Variants in NAAA observed in about 807,000 individuals in gnomAD.
NAAA encodes N-acylethanolamine-hydrolyzing acid amidase.
Under a neutral mutation model 44.8 loss-of-function variants are expected in NAAA, and 39 were observed. That is an observed-to-expected ratio of 0.87 (90% CI 0.67 to 1.14). The LOEUF (loss-of-function observed/expected upper bound fraction) is 1.14, where lower values mean the gene tolerates loss of function less well. Ranked by LOEUF, NAAA falls within the 50% of genes most tolerant of loss-of-function variation. NAAA has a pLI of 0.00. For synonymous variants in NAAA, 178 were observed against 191.3 expected, an observed-to-expected ratio of 0.93 and a Z score of 0.58; for missense variants, 460 against 467.8, an observed-to-expected ratio of 0.98 and a Z score of 0.15.
chr4:75,923,973 C>T (rs960170419), intron 5 of NAAA, among the ~76,000 whole-genome samples: 1 of 152,172 alleles, frequency 6.6e-6, no homozygotes, highest in Non-Finnish European at 1.5e-5. Context: ...GCAAATGGTA[C>T]ACCTGGTCCA....
At chr4:75,928,648 T>G (rs1198439169) in intron 4 of NAAA, among the ~76,000 whole-genome samples, 1 of 151,738 alleles carries the variant, frequency 6.6e-6, no homozygotes, top group Non-Finnish European at 1.5e-5. Flanking sequence ...TGCTCCAGTC[T>G]AGGACTCAGA....
intron 3 of NAAA, among the ~76,000 whole-genome samples, chr4:75,934,052 GTAATAATAATAATAATAA>G (rs66466020): frequency 0.47 from 66,141 of 141,862 alleles, 15,959 homozygotes; most frequent in South Asian, 0.51. Flanking sequence ...AATAGTAGTA[GTAATAATAATAATAATAA>G]TAATAATAAT....
In NAAA at chr4:75,939,905, T is replaced by C; in HGVS notation, c.371+96A>G. Reference sequence around the variant, plus strand: ...GTTTCTAGGCAAGCAGGCACCGCCCTGTTTTTATCACACGGAAAATATGTC... The same window carrying C: ...GTTTCTAGGCAAGCAGGCACCGCCCCGTTTTTATCACACGGAAAATATGTC... On this transcript the variant is annotated intron_variant, in intron 2 of 10. Transcript: ENST00000286733. The C allele has an allele frequency of 6.2e-6, 9 of 1,448,492 alleles. No individual in the cohort carries two copies. In the East Asian group the frequency reaches 2.1e-4, roughly 33 times the overall value. 89.7% of individuals were successfully genotyped at this position (1,448,492 alleles called of 1,614,324 possible). A position where few individuals can be genotyped will look rare whatever the true frequency, so the allele number is the denominator to read the frequency against.
At position 75,918,865 on chromosome 4, in the gene NAAA, G is replaced by A. The variant is rs550970256; in HGVS notation, c.970-76C>T. 47 of 1,378,458 alleles carry A rather than the reference G, an allele frequency of 3.4e-5. No homozygotes were observed. In the African/African-American group the frequency reaches 3.9e-4, roughly 11 times the overall value. 85.4% of individuals were successfully genotyped at this position (1,378,458 alleles called of 1,614,324 possible). A position where few individuals can be genotyped will look rare whatever the true frequency, so the allele number is the denominator to read the frequency against. On this transcript the variant is annotated intron_variant, in intron 8 of 10. Coordinates refer to ENST00000286733, the MANE Select transcript of NAAA (RefSeq NM_014435.4). Reference sequence around the variant, plus strand: ...ACACATAGAATATCTATGGAGGGCCGGGTGCAGTGGCTCAGGCCTGTAATC... The same window carrying A: ...ACACATAGAATATCTATGGAGGGCCAGGTGCAGTGGCTCAGGCCTGTAATC...
intron 2 of NAAA, among the ~76,000 whole-genome samples, chr4:75,938,516 T>C (rs760934011): frequency 5.3e-5 from 8 of 152,062 alleles, no homozygotes; most frequent in Non-Finnish European, 1.0e-4. Context: ...GTGTCTTTTC[T>C]GTGCCTGAAA....
At chr4:75,928,816 C>T (rs367898798) in intron 4 of NAAA, among the ~76,000 whole-genome samples, 1 of 149,514 alleles carries the variant, frequency 6.7e-6, no homozygotes, top group Admixed American at 6.7e-5. Flanking sequence ...GAGATGGAGT[C>T]TCGCTCTGTC....
intron 3 of NAAA, 145 bp downstream of exon 3, chr4:75,935,964 T>A (rs1387139175): frequency 2.1e-5 from 19 of 888,444 alleles, no homozygotes; most frequent in Non-Finnish European, 2.8e-5. Flanking sequence ...GATGCAAACC[T>A]CTCTTCTGGC....
intron 7 of NAAA, among the ~76,000 whole-genome samples, chr4:75,920,268 A>G (rs916659113): frequency 6.6e-6 from 1 of 152,244 alleles, no homozygotes; most frequent in Non-Finnish European, 1.5e-5. Context: ...GGCAACGTAT[A>G]TAGCTACCTG....
At chr4:75,939,113 A>C (rs1283210972) in intron 2 of NAAA, among the ~76,000 whole-genome samples, 1 of 152,144 alleles carries the variant, frequency 6.6e-6, no homozygotes, top group Admixed American at 6.5e-5. Flanking sequence ...TCGGCCTCCC[A>C]AAGTGCTGGG....
chr4:75,932,977 A>C (rs908840646), intron 3 of NAAA, among the ~76,000 whole-genome samples: 16 of 152,046 alleles, frequency 1.1e-4, no homozygotes, highest in Non-Finnish European at 1.2e-4. Flanking sequence ...TCTACCAAAA[A>C]TACAAAAATT....
At chr4:75,931,656 A>C (rs998100749) in intron 3 of NAAA, among the ~76,000 whole-genome samples, 4 of 152,214 alleles carry the variant, frequency 2.6e-5, no homozygotes, top group Non-Finnish European at 4.4e-5. Context: ...GAAATCACAG[A>C]TATTTTCACA....
chr4:75,934,785 T>G (rs1373737956), intron 3 of NAAA: 2 of 152,230 alleles, frequency 1.3e-5, no homozygotes, highest in African/African-American at 4.8e-5. Context: ...AACAGTCACC[T>G]GAGTACTGAG....
At chr4:75,931,190 T>A in intron 4 of NAAA, 24 bp downstream of exon 4, 1 of 1,591,372 alleles carries the variant, frequency 6.3e-7, no homozygotes, top group South Asian at 1.1e-5. Context: ...TAGCTAAAAT[T>A]ACACAGGGGT....
intron 4 of NAAA, among the ~76,000 whole-genome samples, chr4:75,928,372 A>C (rs1388375664): frequency 6.6e-6 from 1 of 152,192 alleles, no homozygotes; most frequent in African/African-American, 2.4e-5. Flanking sequence ...CTAGCTCAGC[A>C]GTGGAGGTAG....
At chr4:75,940,221 C>A (rs1728134058) in intron 1 of NAAA, 56 bp from the exon 2 acceptor site, 1 of 1,573,762 alleles carries the variant, frequency 6.4e-7, no homozygotes, top group South Asian at 1.1e-5. Context: ...CGGCGTGCGA[C>A]TGCGTGTGCA....
intron 3 of NAAA, among the ~76,000 whole-genome samples, chr4:75,933,403 T>C (rs1228322856): frequency 1.3e-5 from 2 of 152,142 alleles, no homozygotes; most frequent in Non-Finnish European, 2.9e-5. Context: ...CCTCCATGAA[T>C]GTCTCATCTC....
chr4:75,931,559 C>G (rs868279125), intron 3 of NAAA, among the ~76,000 whole-genome samples: 8 of 152,190 alleles, frequency 5.3e-5, no homozygotes, highest in Middle Eastern at 6.8e-3. Flanking sequence ...TTTTCACTAA[C>G]CTCTAACTGA....
intron 5 of NAAA, 99 bp downstream of exon 5, chr4:75,925,636 A>T: frequency 9.0e-7 from 1 of 1,112,606 alleles, no homozygotes; most frequent in Non-Finnish European, 1.4e-6. Context: ...TTATTCTTTT[A>T]AGGAGCTCCT....
chr4:75,934,362 C>T (rs960595896), intron 3 of NAAA, among the ~76,000 whole-genome samples: 2 of 151,962 alleles, frequency 1.3e-5, no homozygotes, highest in African/African-American at 4.8e-5. Context: ...TGTCACTGGG[C>T]TAGAGTGCAG....
Sources: allele counts gnomAD v4.1 joint callset (sites outside exome capture counted in the v4.1 genomes callset), GRCh38; gene constraint gnomAD v4.1.1; transcripts MANE v1.5; gene names NCBI Gene and HGNC (gene_info 2026-07-23, HGNC 2026-07-21).